The following SLC25A48 variants were observed in gnomAD, a reference collection of about 807,000 sequenced individuals.
SLC25A48 encodes the protein solute carrier family 25 member 48, also known as CTC-321K16.1.
In SLC25A48, 29 loss-of-function variants were observed where a neutral mutation model predicts 32.2. The observed-to-expected ratio is 0.90, with a 90% CI of 0.67 to 1.23. The LOEUF is 1.23. SLC25A48 is among the 50% of genes most tolerant of loss of function. The probability of loss-of-function intolerance (pLI) is 0.00; values close to 1 mark genes in which losing one functional copy is unlikely to be tolerated. For missense variants in SLC25A48, 399 were observed against 422.7 expected (o/e 0.94, Z 0.49); for synonymous variants, 164 against 172.3 (o/e 0.95, Z 0.38).
At chr5:135,637,070 C>A (rs1752722242) in intron 3 of SLC25A48, among the ~76,000 whole-genome samples, 1 of 152,206 alleles carries the variant, frequency 6.6e-6, no homozygotes, top group South Asian at 2.1e-4. Context: ...TGTTTAATAG[C>A]CATTTAGATT....
chr5:135,665,446 A>G (rs1282156470), intron 3 of SLC25A48, among the ~76,000 whole-genome samples: 1 of 151,788 alleles, frequency 6.6e-6, no homozygotes, highest in Non-Finnish European at 1.5e-5. Flanking sequence ...TCATTTATTT[A>G]TTTTTGTTTA....
At chr5:135,730,299 T>C (rs1004600351) in intron 3 of SLC25A48, among the ~76,000 whole-genome samples, 9 of 152,180 alleles carry the variant, frequency 5.9e-5, no homozygotes, top group Admixed American at 5.2e-4. Context: ...AGTTGACTCA[T>C]GGGGGCCAAG....
At chr5:135,835,455 C>A (rs1196777037) in intron 1 of SLC25A48, among the ~76,000 whole-genome samples, 1 of 152,090 alleles carries the variant, frequency 6.6e-6, no homozygotes, top group East Asian at 1.9e-4. Flanking sequence ...CCGCCGCCAA[C>A]CGTCAGCCAT....
chr5:135,808,965 A>C (rs1757531907), intron 3 of SLC25A48, among the ~76,000 whole-genome samples: 1 of 152,010 alleles, frequency 6.6e-6, no homozygotes, highest in Admixed American at 6.6e-5. Flanking sequence ...TTTTGTTGCT[A>C]CTCCCACCAG....
intron 1 of SLC25A48, among the ~76,000 whole-genome samples, chr5:135,586,529 C>CAT (rs1292147895): frequency 2.0e-5 from 3 of 151,944 alleles, no homozygotes; most frequent in African/African-American, 7.3e-5. Flanking sequence ...ATCTCAGACA[C>CAT]AGACATGGAG....
intron 1 of SLC25A48, among the ~76,000 whole-genome samples, chr5:135,626,869 A>G (rs112423099): frequency 4.6e-5 from 7 of 152,298 alleles, no homozygotes; most frequent in African/African-American, 1.7e-4. Flanking sequence ...CAGATTGTCC[A>G]GGCCAGACCT....
At chr5:135,860,632 C>T (rs1194927578) in intron 4 of SLC25A48, among the ~76,000 whole-genome samples, 1 of 152,174 alleles carries the variant, frequency 6.6e-6, no homozygotes, top group East Asian at 1.9e-4. Context: ...ACCATAGAGC[C>T]CAAGGCTGTG....
At chr5:135,582,872 G>A (rs1054987557) in intron 1 of SLC25A48, among the ~76,000 whole-genome samples, 1 of 152,094 alleles carries the variant, frequency 6.6e-6, no homozygotes, top group South Asian at 2.1e-4. Flanking sequence ...CTAATCCCAC[G>A]AGCATACCCC....
intron 3 of SLC25A48, among the ~76,000 whole-genome samples, chr5:135,811,812 T>C (rs931421564): frequency 5.3e-5 from 8 of 152,368 alleles, no homozygotes; most frequent in Admixed American, 5.2e-4. Context: ...CTAGGTGCAG[T>C]GGCTCATGCC....
chr5:135,794,418 C>A (rs894709021), intron 3 of SLC25A48, among the ~76,000 whole-genome samples: 1 of 151,818 alleles, frequency 6.6e-6, no homozygotes, highest in African/African-American at 2.4e-5. Flanking sequence ...GCCAATATCG[C>A]AGTTGGTGTA....
intron 3 of SLC25A48, among the ~76,000 whole-genome samples, chr5:135,659,841 C>G (rs1753349429): frequency 6.6e-6 from 1 of 152,112 alleles, no homozygotes; most frequent in Non-Finnish European, 1.5e-5. Context: ...TTTTAAACAG[C>G]CAGATAGCAT....
intron 1 of SLC25A48, among the ~76,000 whole-genome samples, chr5:135,624,739 G>A (rs1308798878): frequency 1.3e-5 from 2 of 152,218 alleles, no homozygotes; most frequent in South Asian, 2.1e-4. Flanking sequence ...GTTTGAGTCT[G>A]TAGATACATA....
intron 1 of SLC25A48, among the ~76,000 whole-genome samples, chr5:135,608,194 C>T (rs1751982388): frequency 6.6e-6 from 1 of 152,218 alleles, no homozygotes; most frequent in South Asian, 2.1e-4. Context: ...CATGCCCAAA[C>T]TCCTGGCAAA....
intron 3 of SLC25A48, among the ~76,000 whole-genome samples, chr5:135,720,171 C>T (rs901971967): frequency 2.0e-5 from 3 of 152,250 alleles, no homozygotes; most frequent in Non-Finnish European, 4.4e-5. Context: ...TGGGATTTCC[C>T]TCCAAGGGTT....
chr5:135,833,272 C>T (rs904778722), upstream of SLC25A48, among the ~76,000 whole-genome samples: 2 of 152,234 alleles, frequency 1.3e-5, no homozygotes, highest in African/African-American at 4.8e-5. Context: ...GGGAGGCCAT[C>T]CTGGGCTGCC....
chr5:135,756,047 AC>A (rs1406457178), intron 3 of SLC25A48, among the ~76,000 whole-genome samples: 1 of 152,068 alleles, frequency 6.6e-6, no homozygotes, highest in African/African-American at 2.4e-5. Context: ...TAGTGTCAAT[AC>A]ATTATGGTAT....
chr5:135,804,822 G>T (rs559520292), intron 3 of SLC25A48, among the ~76,000 whole-genome samples: 3 of 151,650 alleles, frequency 2.0e-5, no homozygotes, highest in South Asian at 2.1e-4. Flanking sequence ...GTCACAGTGG[G>T]TGTACACCCT....
intron 3 of SLC25A48, among the ~76,000 whole-genome samples, chr5:135,681,334 C>T (rs1391025012): frequency 6.6e-6 from 1 of 152,214 alleles, no homozygotes; most frequent in East Asian, 1.9e-4. Flanking sequence ...TTTTCTTCAG[C>T]AGTGTCTAAT....
chr5:135,866,054 T>C (rs1165800425), intron 4 of SLC25A48, among the ~76,000 whole-genome samples: 1 of 152,190 alleles, frequency 6.6e-6, no homozygotes, highest in Non-Finnish European at 1.5e-5. Flanking sequence ...GGCTGAGCCT[T>C]ACTGGAATAG....
Sources: allele counts gnomAD v4.1 joint callset (sites outside exome capture counted in the v4.1 genomes callset), GRCh38; gene constraint gnomAD v4.1.1; transcripts MANE v1.5; gene names NCBI Gene and HGNC (gene_info 2026-07-23, HGNC 2026-07-21).